Variants in GFPT1 observed in about 807,000 individuals in gnomAD.
GFPT1 encodes glutamine--fructose-6-phosphate aminotransferase [isomerizing] 1.
In GFPT1, 40 loss-of-function variants were observed where a neutral mutation model predicts 92.0. The observed-to-expected ratio is 0.43, with a 90% CI of 0.34 to 0.57. The LOEUF (loss-of-function observed/expected upper bound fraction) is 0.57, where lower values mean the gene tolerates loss of function less well. Among genes scored for constraint, GFPT1 ranks in the 20% least tolerant of loss-of-function variants. The probability of loss-of-function intolerance (pLI) is 0.02; values close to 1 mark genes in which losing one functional copy is unlikely to be tolerated. For synonymous variants in GFPT1, 269 were observed against 280.6 expected (o/e 0.96, Z 0.41); for missense variants, 448 against 869.1 (o/e 0.52, Z 6.09).
At chr2:69,373,063 G>A (rs896264506) in intron 2 of GFPT1, among the ~76,000 whole-genome samples, 3 of 152,178 alleles carry the variant, frequency 2.0e-5, no homozygotes, top group Non-Finnish European at 4.4e-5. Context: ...GAAAACCTTA[G>A]GCACTGATCC....
Position 69,326,156 on chromosome 2 carries a change from C to G in GFPT1, c.*33G>C. On this transcript the variant is annotated 3_prime_UTR_variant, in exon 20 of 20. Transcript: ENST00000357308. ...CAAAAGGTGTCTTGTGTTGCTTAATCATACAGTTTCGTACATTTTGTATAG... is the reference window on the plus strand; with the variant it reads ...CAAAAGGTGTCTTGTGTTGCTTAATGATACAGTTTCGTACATTTTGTATAG... 3 of 1,429,760 alleles carry G rather than the reference C, an allele frequency of 2.1e-6. No individual in the cohort carries two copies. The highest frequency in any genetic ancestry group is 3.0e-6 in the Non-Finnish European group (3 of 1,015,090). 88.6% of individuals were successfully genotyped at this position (1,429,760 alleles called of 1,614,324 possible).
At chr2:69,374,176 T>G (rs1393498768) in intron 1 of GFPT1, 63 bp from the exon 2 acceptor site, 3 of 803,686 alleles carry the variant, frequency 3.7e-6, no homozygotes, top group Non-Finnish European at 6.5e-6. Context: ...AGCATAATTA[T>G]GTCAAGTATG....
intron 17 of GFPT1, 63 bp downstream of exon 17, chr2:69,329,234 T>G (rs1670602450): frequency 6.8e-7 from 1 of 1,471,710 alleles, no homozygotes; most frequent in Admixed American, 1.7e-5. Context: ...AATGTAAAAG[T>G]ATGACTATGT....
At chr2:69,362,007 G>C (rs1671484046) in intron 4 of GFPT1, among the ~76,000 whole-genome samples, 1 of 151,818 alleles carries the variant, frequency 6.6e-6, no homozygotes, top group South Asian at 2.1e-4. Flanking sequence ...AATGGGGAGG[G>C]ATAAATACAC....
In GFPT1 at chr2:69,322,697, C is replaced by T. The variant is rs1378404317; in HGVS notation, c.*3492G>A. The T allele has an allele frequency of 6.6e-6, 1 of 152,222 alleles. No homozygotes were observed. The highest frequency in any genetic ancestry group is 1.5e-5 in the Non-Finnish European group (1 of 68,040). 9.4% of individuals were successfully genotyped at this position (152,222 alleles called of 1,614,324 possible). On this transcript the variant is annotated 3_prime_UTR_variant, in exon 20 of 20. Transcript: ENST00000357308. ...ACCAACAGCCCCATCTGCACATCAC[C>T]AAGCACCAGTTCCCTTTGGGTAGCA... is the stretch of plus-strand genomic sequence containing the variant.
intron 13 of GFPT1, among the ~76,000 whole-genome samples, chr2:69,339,368 AC>A (rs1307614119): frequency 4.0e-5 from 6 of 150,816 alleles, no homozygotes; most frequent in Non-Finnish European, 8.8e-5. Context: ...AACAGGGCTC[AC>A]TATTTTCAAC....
Position 69,334,105 on chromosome 2 carries a change from G to C in GFPT1, c.1482+3793C>G, listed in dbSNP as rs1279174635. ...CGGAGGGCGGAAGTTACAGTGAGCA[G>C]AGATCACACCACTGCACTCCAGCCT... is the stretch of plus-strand genomic sequence containing the variant. On this transcript the variant is annotated intron_variant, in intron 15 of 19. Transcript: ENST00000357308. Among the ~76,000 whole-genome samples the C allele has an allele frequency of 2.0e-5, 3 of 152,204 alleles. No individual in the cohort carries two copies. In the East Asian group the frequency reaches 5.8e-4, roughly 29 times the overall value.
At chr2:69,369,945 G>T in intron 3 of GFPT1, 56 bp downstream of exon 3, 1 of 969,028 alleles carries the variant, frequency 1.0e-6, no homozygotes, top group Admixed American at 1.7e-5. Flanking sequence ...AGGAGAATGG[G>T]GAGGGGAAAA....
intron 15 of GFPT1, 133 bp from the exon 16 acceptor site, chr2:69,329,931 G>A (rs191188555): frequency 7.7e-5 from 54 of 703,166 alleles, no homozygotes; most frequent in Admixed American, 6.7e-4. Flanking sequence ...TTAAAACTAC[G>A]TTAGGGCCAA....
chr2:69,337,987 T>C lies in GFPT1; in HGVS notation c.1393A>G (p.Thr465Ala). 1 of 1,613,940 alleles carries C rather than the reference T, an allele frequency of 6.2e-7. No homozygotes were observed. Residue 465 changes from threonine (T) to alanine (A), a missense_variant, in exon 15 of 20, where the codon ACA (threonine) becomes GCA (alanine). Physicochemically the swap from Thr to Ala is moderately conservative, Grantham distance 58. Around this residue, in one of 7 missense-constraint regions of GFPT1, gnomAD observed 121 missense variants for 304.3 expected, o/e 0.40. Transcript: ENST00000357308. ...KERGALTVGITNTVGSSISRE... is the reference protein window; with the variant it reads ...KERGALTVGIANTVGSSISRE... The stretch of plus-strand genomic sequence containing the variant: ...GATATGGAACTGCCAACTGTGTTTG[T>C]GATCCCCACAGTTAAAGCTCCTCTC...
chr2:69,342,050 C>T, intron 13 of GFPT1, 102 bp downstream of exon 13: 3 of 659,182 alleles, frequency 4.6e-6, no homozygotes, highest in Non-Finnish European at 5.2e-6. Context: ...AAAGATAACA[C>T]ATTAACAAAA....
intron 1 of GFPT1, among the ~76,000 whole-genome samples, chr2:69,385,549 T>A (rs749930590): frequency 0.016 from 2,441 of 151,822 alleles, 143 homozygotes; most frequent in Admixed American, 0.11. Flanking sequence ...TATTTATTTT[T>A]TTTTCAGTAA....
chr2:69,386,343 T>C (rs1672128250), intron 1 of GFPT1, among the ~76,000 whole-genome samples: 3 of 152,236 alleles, frequency 2.0e-5, no homozygotes, highest in South Asian at 2.1e-4. Flanking sequence ...TTTTTCATAG[T>C]TGGTATTCTA....
chr2:69,326,190 C>T lies in GFPT1; in HGVS notation c.2099G>A (p.Ter700=). ...TCGTACATTTTGTATAGATATTCCT[C>T]ACTCTACAGTCACAGATTTGGCAAG... is the stretch of plus-strand genomic sequence containing the variant. ...RNLAKSVTVE[*] The change falls in exon 20 of 20, where the codon TGA becomes TAA. Residue 700 remains the stop codon, a stop_retained_variant. Transcript: ENST00000357308. 1 of 1,576,354 alleles carries T rather than the reference C, an allele frequency of 6.3e-7. No individual in the cohort carries two copies. Among genetic ancestry groups the T allele is most frequent in the Non-Finnish European group, 8.7e-7 (1 of 1,147,320 alleles).
intron 1 of GFPT1, among the ~76,000 whole-genome samples, chr2:69,382,762 T>C (rs1672039901): frequency 6.6e-6 from 1 of 152,204 alleles, no homozygotes; most frequent in South Asian, 2.1e-4. Flanking sequence ...TCTCACAGTA[T>C]ACTAATACTC....
At chr2:69,343,713 G>C (rs916110429) in intron 12 of GFPT1, among the ~76,000 whole-genome samples, 3 of 152,074 alleles carry the variant, frequency 2.0e-5, no homozygotes, top group Non-Finnish European at 4.4e-5. Flanking sequence ...CGCCCAGCCA[G>C]TCCACCTTCT....
Position 69,350,141 on chromosome 2 carries a change from C to T in GFPT1, c.782G>A (p.Ser261Asn). The T allele has an allele frequency of 6.2e-7, 1 of 1,613,906 alleles. No individual in the cohort carries two copies. The highest frequency in any genetic ancestry group is 1.1e-5 in the South Asian group (1 of 91,068). Residue 261 changes from serine to asparagine, a missense_variant, in exon 10 of 20, where the codon AGC becomes AAC. Around this residue, in one of 7 missense-constraint regions of GFPT1, gnomAD observed 121 missense variants for 304.3 expected, o/e 0.40. Coordinates refer to ENST00000357308, the MANE Select transcript of GFPT1 (RefSeq NM_001244710.2). ...KGSCNLSRVD[S>N]TTCLFPVEEK... ...TTCCACCGGGAAAAGGCAGGTTGTGCTGTCCACACGAGAGAGATTGCAGCT... is the reference window on the plus strand; with the variant it reads ...TTCCACCGGGAAAAGGCAGGTTGTGTTGTCCACACGAGAGAGATTGCAGCT...
At chr2:69,383,366 T>A (rs1419279235) in intron 1 of GFPT1, among the ~76,000 whole-genome samples, 12 of 152,224 alleles carry the variant, frequency 7.9e-5, no homozygotes, top group Admixed American at 7.9e-4. Flanking sequence ...ATTGAAGAAA[T>A]GCTTATTAAG....
chr2:69,377,572 A>G (rs994497613), intron 1 of GFPT1, among the ~76,000 whole-genome samples: 1 of 151,928 alleles, frequency 6.6e-6, no homozygotes, highest in African/African-American at 2.4e-5. Flanking sequence ...AGGCACGAGA[A>G]TAGCTTGAAC....
Sources: gnomAD v4.1 joint callset for allele counts (sites outside exome capture counted in the v4.1 genomes callset) on GRCh38, gnomAD v4.1.1 for gene constraint, gnomAD v4.1.1 regional missense constraint, MANE v1.5 for transcripts, NCBI Gene and HGNC (gene_info 2026-07-23, HGNC 2026-07-21) for gene names.